CFDP1: variants seen among roughly 807,000 people sequenced by gnomAD.
CFDP1 encodes chromatin remodeling protein CFDP1, also known as heterochromatin-stabilizing protein CFDP1.
Under a neutral mutation model 40.1 loss-of-function variants are expected in CFDP1, and 31 were observed. The ratio of observed to expected loss-of-function variants is 0.77; its 90% CI spans 0.58 to 1.04. The LOEUF (loss-of-function observed/expected upper bound fraction) is 1.04, where lower values mean the gene tolerates loss of function less well. Among genes scored for constraint, CFDP1 ranks in the 50% least tolerant of loss-of-function variants. The pLI is 0.00. For synonymous variants in CFDP1, 167 were observed against 120.0 expected (o/e 1.39, Z -2.56); for missense variants, 423 against 343.4 (o/e 1.23, Z -1.83).
chr16:75,382,597 A>G (rs552767672), intron 5 of CFDP1, among the ~76,000 whole-genome samples: 1 of 152,238 alleles, frequency 6.6e-6, no homozygotes, highest in Non-Finnish European at 1.5e-5. Context: ...GGTATCAAAA[A>G]TTTGGATTTA....
At chr16:75,416,241 G>A (rs2079203729) in intron 1 of CFDP1, among the ~76,000 whole-genome samples, 1 of 151,956 alleles carries the variant, frequency 6.6e-6, no homozygotes, top group East Asian at 1.9e-4. Flanking sequence ...CAAGATTCAA[G>A]ACAAACAGAA....
intron 5 of CFDP1, chr16:75,391,199 G>C (rs1419530692): frequency 6.6e-6 from 1 of 152,032 alleles, no homozygotes; most frequent in Non-Finnish European, 1.5e-5. Context: ...GCATCAACAG[G>C]GATTATTTTA....
intron 5 of CFDP1, among the ~76,000 whole-genome samples, chr16:75,376,996 C>T (rs1221562302): frequency 6.6e-6 from 1 of 152,234 alleles, no homozygotes. Flanking sequence ...TGCGGTAACC[C>T]TGCTCTGCAG....
chr16:75,336,743 T>A (rs1390880456), intron 5 of CFDP1, among the ~76,000 whole-genome samples: 2 of 152,212 alleles, frequency 1.3e-5, no homozygotes, highest in East Asian at 3.8e-4. Context: ...CCAATGGCAA[T>A]CCTGTGCTAC....
chr16:75,423,205 C>T (rs931038216), intron 1 of CFDP1, among the ~76,000 whole-genome samples: 12 of 148,866 alleles, frequency 8.1e-5, no homozygotes, highest in East Asian at 2.1e-4. Flanking sequence ...GGCGTGAACC[C>T]GGGAGGCAGG....
At chr16:75,401,194 C>T (rs1041512711) in intron 4 of CFDP1, among the ~76,000 whole-genome samples, 6 of 151,954 alleles carry the variant, frequency 3.9e-5, no homozygotes, top group South Asian at 2.1e-4. Flanking sequence ...TTTGGGAGGC[C>T]GAGGTGGGTG....
chr16:75,372,311 A>G (rs540273236), intron 5 of CFDP1: 1 of 152,312 alleles, frequency 6.6e-6, no homozygotes, highest in South Asian at 2.1e-4. Context: ...ATTCGGATAT[A>G]TATGGTTTTC....
rs1322524559 is a variant in CFDP1, at chr16:75,412,730, TGA to T, written c.205_206del (p.Ser69IlefsTer14). ...CATCCTCCTCTTCCTCTTCTTCTAA[TGA>T]GAGGCCACCTTGTCTTCTCTTCCTA... is the stretch of plus-strand genomic sequence containing the variant. The part of the protein sequence containing the change: ...PARKRRQGGL[S>X]LEEEEEEDAN... On this transcript the variant is annotated frameshift_variant, in exon 3 of 7. Coordinates refer to ENST00000283882, the MANE Select transcript of CFDP1 (RefSeq NM_006324.3). LOFTEE classifies it high-confidence loss of function. The T allele has an allele frequency of 6.2e-7, 1 of 1,613,480 alleles. No individual in the cohort carries two copies. Among genetic ancestry groups the T allele is most frequent in the African/African-American group, 1.3e-5 (1 of 74,924 alleles).
chr16:75,332,753 T>C (rs541182200), intron 5 of CFDP1, among the ~76,000 whole-genome samples: 103 of 151,242 alleles, frequency 6.8e-4, no homozygotes, highest in African/African-American at 2.4e-3. Context: ...ATTTCAGATA[T>C]ATATTTTACA....
At chr16:75,362,393 G>C (rs2078685597) in intron 5 of CFDP1, among the ~76,000 whole-genome samples, 1 of 152,206 alleles carries the variant, frequency 6.6e-6, no homozygotes, top group African/African-American at 2.4e-5. Context: ...CCTTTGAGGA[G>C]TCAACCTCCC....
intron 5 of CFDP1, among the ~76,000 whole-genome samples, chr16:75,317,077 A>G (rs2865532): frequency 0.84 from 128,324 of 152,300 alleles, 54,211 homozygotes; most frequent in Middle Eastern, 0.91. Context: ...ATCTTCAGCA[A>G]AGTCCTAGAT....
At chr16:75,319,741 C>T (rs2078349067) in intron 5 of CFDP1, among the ~76,000 whole-genome samples, 1 of 152,146 alleles carries the variant, frequency 6.6e-6, no homozygotes, top group Non-Finnish European at 1.5e-5. Context: ...GCATCATCAG[C>T]GTTCCCCCTG....
intron 5 of CFDP1, among the ~76,000 whole-genome samples, chr16:75,329,559 C>G (rs1004595825): frequency 5.3e-5 from 8 of 152,160 alleles, no homozygotes; most frequent in Admixed American, 3.9e-4. Flanking sequence ...GTGGCATGAT[C>G]ATAACTCATG....
chr16:75,303,787 C>T (rs971509293), intron 6 of CFDP1, among the ~76,000 whole-genome samples: 5 of 152,166 alleles, frequency 3.3e-5, no homozygotes, highest in Admixed American at 1.3e-4. Context: ...ATCATCACAA[C>T]CACATAGTGA....
chr16:75,298,786 C>T (rs1361001748), intron 6 of CFDP1, among the ~76,000 whole-genome samples: 2 of 152,174 alleles, frequency 1.3e-5, no homozygotes, highest in Non-Finnish European at 2.9e-5. Flanking sequence ...TCTCCACTGC[C>T]TTCTTCCCCT....
At chr16:75,368,239 AATT>A (rs1230819554) in intron 5 of CFDP1, among the ~76,000 whole-genome samples, 3 of 152,370 alleles carry the variant, frequency 2.0e-5, no homozygotes, top group African/African-American at 4.8e-5. Flanking sequence ...GATATCAAGA[AATT>A]ATTATTATTT....
intron 5 of CFDP1, among the ~76,000 whole-genome samples, chr16:75,335,068 A>T (rs890130930): frequency 7.9e-5 from 12 of 152,338 alleles, no homozygotes; most frequent in African/African-American, 2.9e-4. Flanking sequence ...GATATGGCTC[A>T]TGTACCCCTA....
intron 5 of CFDP1, among the ~76,000 whole-genome samples, chr16:75,386,787 C>G (rs1468096251): frequency 6.6e-6 from 1 of 152,176 alleles, no homozygotes; most frequent in African/African-American, 2.4e-5. Flanking sequence ...TTGGCAAGGA[C>G]TTTATTTCAT....
At chr16:75,305,917 G>T (rs2078253683) in intron 5 of CFDP1, among the ~76,000 whole-genome samples, 1 of 152,188 alleles carries the variant, frequency 6.6e-6, no homozygotes, top group Non-Finnish European at 1.5e-5. Flanking sequence ...ACTTGCTGGT[G>T]ATGCTATCAT....
Sources: gnomAD v4.1 joint callset for allele counts (sites outside exome capture counted in the v4.1 genomes callset) on GRCh38, gnomAD v4.1.1 for gene constraint, MANE v1.5 for transcripts, NCBI Gene and HGNC (gene_info 2026-07-23, HGNC 2026-07-21) for gene names.